Variants in HS3ST4 observed in about 807,000 individuals in gnomAD.
The protein encoded by HS3ST4 is heparan sulfate glucosamine 3-O-sulfotransferase 4.
A neutral mutation model predicts 29.2 loss-of-function variants in HS3ST4; 17 were observed. The ratio of observed to expected loss-of-function variants is 0.58; its 90% CI spans 0.40 to 0.87. The LOEUF is 0.87. Ranked by LOEUF, HS3ST4 falls within the 40% of genes least tolerant of loss-of-function variation. HS3ST4 has a pLI of 0.00. For synonymous variants in HS3ST4, 314 were observed against 285.7 expected (o/e 1.10, Z -1.00); for missense variants, 627 against 634.5 (o/e 0.99, Z 0.13).
chr16:25,975,315 G>A (rs1968934160), intron 1 of HS3ST4, among the ~76,000 whole-genome samples: 1 of 151,818 alleles, frequency 6.6e-6, no homozygotes, highest in South Asian at 2.1e-4. Context: ...GAGGGAGGGG[G>A]TTAAGGATGG....
chr16:26,137,627 A>C lies in HS3ST4; in HGVS notation c.*1379A>C, dbSNP rs1898305355. 1 of 152,186 alleles carries C rather than the reference A, an allele frequency of 6.6e-6. No homozygotes were observed. The highest frequency in any genetic ancestry group is 2.1e-4 in the South Asian group (1 of 4,828). The allele number at this position is 152,186 out of a possible 1,614,324, so 9.4% of individuals were successfully genotyped here. A position where few individuals can be genotyped will look rare whatever the true frequency, so the allele number is the denominator to read the frequency against. On this transcript the variant is annotated 3_prime_UTR_variant, in exon 2 of 2. Transcript: ENST00000331351. ...AGTTAAATCTGTTCAGCTGTTATTA[A>C]ACTGTCATTTCTCCCGCTAAATGAA...
intron 1 of HS3ST4, among the ~76,000 whole-genome samples, chr16:25,828,301 C>CTTTCTCTCCCTCTCT (rs1555467593): frequency 6.1e-5 from 2 of 32,882 alleles, no homozygotes; most frequent in African/African-American, 1.3e-4. Flanking sequence ...TCTTTCTTTC[C>CTTTCTCTCCCTCTCT]CTCTCTCTCT....
intron 1 of HS3ST4, among the ~76,000 whole-genome samples, chr16:25,930,470 T>G (rs1968451774): frequency 6.6e-6 from 1 of 152,246 alleles, no homozygotes; most frequent in East Asian, 1.9e-4. Context: ...ACTTCCTCTT[T>G]CTTTGCCTAA....
At chr16:25,906,864 C>T (rs903920737) in intron 1 of HS3ST4, among the ~76,000 whole-genome samples, 1 of 151,968 alleles carries the variant, frequency 6.6e-6, no homozygotes, top group Admixed American at 6.6e-5. Flanking sequence ...AGATTTCAAG[C>T]AATAGAGAGA....
chr16:25,791,363 C>G (rs1966868772), intron 1 of HS3ST4, among the ~76,000 whole-genome samples: 1 of 152,078 alleles, frequency 6.6e-6, no homozygotes, highest in South Asian at 2.1e-4. Flanking sequence ...GTTGTCTTGT[C>G]TATTCCTGGC....
chr16:25,935,778 T>G (rs1295317265), intron 1 of HS3ST4, among the ~76,000 whole-genome samples: 1 of 152,186 alleles, frequency 6.6e-6, no homozygotes, highest in Non-Finnish European at 1.5e-5. Flanking sequence ...GCTATAATGT[T>G]TATATGTTTA....
intron 1 of HS3ST4, among the ~76,000 whole-genome samples, chr16:26,052,093 T>C (rs1404853291): frequency 1.3e-5 from 2 of 152,062 alleles, no homozygotes; most frequent in Non-Finnish European, 2.9e-5. Context: ...ACATTGACTA[T>C]AGATCATAAG....
intron 1 of HS3ST4, among the ~76,000 whole-genome samples, chr16:26,108,016 A>G (rs759568096): frequency 5.3e-5 from 8 of 152,126 alleles, no homozygotes; most frequent in Non-Finnish European, 1.0e-4. Context: ...GAGGTTTTCT[A>G]TTTTCTATTT....
intron 1 of HS3ST4, among the ~76,000 whole-genome samples, chr16:25,708,085 CG>C (rs1966388457): frequency 6.6e-6 from 1 of 152,106 alleles, no homozygotes; most frequent in Non-Finnish European, 1.5e-5. Context: ...GTCATTGATC[CG>C]GTACCACAAA....
At chr16:25,902,631 G>A (rs1406511366) in intron 1 of HS3ST4, among the ~76,000 whole-genome samples, 1 of 152,162 alleles carries the variant, frequency 6.6e-6, no homozygotes, top group East Asian at 1.9e-4. Flanking sequence ...GGAGATGAGT[G>A]AAGAGGGTTG....
Position 26,076,252 on chromosome 16 carries a change from G to A in HS3ST4, c.735-59360G>A, listed in dbSNP as rs553311615. 6.6e-5 allele frequency among the ~76,000 whole-genome samples: 10 copies of A among 152,308 alleles called. No individual in the cohort carries two copies. The South Asian group carries it at 1.7e-3, about 25-fold the overall frequency. ...GTGGGTTCAATGCAGAGGGAGACAG[G>A]CATCCTGGCAATTCAGTAGGAGCAC... On this transcript the variant is annotated intron_variant, in intron 1 of 1. Coordinates refer to ENST00000331351, the MANE Select transcript of HS3ST4 (RefSeq NM_006040.3).
intron 1 of HS3ST4, among the ~76,000 whole-genome samples, chr16:25,962,714 A>G (rs1161246092): frequency 6.6e-6 from 1 of 152,186 alleles, no homozygotes; most frequent in East Asian, 1.9e-4. Context: ...GTGGATACTT[A>G]GCCCTCTCAG....
At chr16:25,822,157 T>C (rs146443846) in intron 1 of HS3ST4, among the ~76,000 whole-genome samples, 1 of 152,300 alleles carries the variant, frequency 6.6e-6, no homozygotes, top group Non-Finnish European at 1.5e-5. Flanking sequence ...AACAAAACAC[T>C]GTAAACCTTG....
rs60828998 is a variant in HS3ST4, at chr16:26,007,480, T to A, written c.735-128132T>A. Among the ~76,000 whole-genome samples the A allele has an allele frequency of 6.2e-3, 939 of 152,320 alleles. 12 individuals are homozygous for A. Among genetic ancestry groups the A allele is most frequent in the African/African-American group, 0.021 (880 of 41,572 alleles). ...CTTATCCATTCGTGAAATGGGAATG[T>A]TAACGTCTGCATTTCAGGGAAGTTA... On this transcript the variant is annotated intron_variant, in intron 1 of 1. Coordinates refer to ENST00000331351, the MANE Select transcript of HS3ST4 (RefSeq NM_006040.3).
At chr16:25,767,959 C>T (rs559565180) in intron 1 of HS3ST4, among the ~76,000 whole-genome samples, 54 of 152,226 alleles carry the variant, frequency 3.5e-4, no homozygotes, top group Middle Eastern at 6.8e-3. Context: ...GGTACATGAA[C>T]GAGTAGAGTC....
chr16:25,998,001 C>T (rs182180055), intron 1 of HS3ST4, among the ~76,000 whole-genome samples: 11 of 152,188 alleles, frequency 7.2e-5, no homozygotes, highest in Admixed American at 2.0e-4. Context: ...GTTGTGATGC[C>T]GATGAGGGTG....
chr16:26,020,099 A>G (rs1567295082), intron 1 of HS3ST4, among the ~76,000 whole-genome samples: 1 of 152,114 alleles, frequency 6.6e-6, no homozygotes, highest in Non-Finnish European at 1.5e-5. Flanking sequence ...CTTGCCTTCC[A>G]AAGGATTTGC....
In HS3ST4 at chr16:26,014,082, C is replaced by T. The variant is rs117886064; in HGVS notation, c.735-121530C>T. On this transcript the variant is annotated intron_variant, in intron 1 of 1. Transcript: ENST00000331351. ...ATTTTAAAAACACCCACTCCTACTC[C>T]TACTCTCCCTTTCTCTTCCGCTATT... Among the ~76,000 whole-genome samples the T allele has an allele frequency of 2.1e-3, 314 of 151,926 alleles. 8 individuals carry two copies. The East Asian group carries it at 0.051, about 24-fold the overall frequency.
At chr16:25,870,293 T>A (rs571623794) in intron 1 of HS3ST4, among the ~76,000 whole-genome samples, 1 of 151,920 alleles carries the variant, frequency 6.6e-6, no homozygotes, top group Non-Finnish European at 1.5e-5. Context: ...ATAAAACAAA[T>A]AAAATTACCT....
Sources: allele counts gnomAD v4.1 joint callset (sites outside exome capture counted in the v4.1 genomes callset), GRCh38; gene constraint gnomAD v4.1.1; transcripts MANE v1.5; gene names NCBI Gene and HGNC (gene_info 2026-07-23, HGNC 2026-07-21).